Variants in KRABD4 observed in about 807,000 individuals in gnomAD.
KRABD4 encodes KRAB domain-containing protein 4.
chrX:46,462,774 T>C, the KRABD4 span: 1 of 1,209,680 alleles, frequency 8.3e-7, no homozygotes, highest in African/African-American at 1.8e-5. Flanking sequence ...AGGACGTGTT[T>C]GTGGACTTCA....
chrX:46,457,124 T>G, the KRABD4 span: 1 of 376,198 alleles, frequency 2.7e-6, no homozygotes, highest in South Asian at 4.7e-5. Flanking sequence ...TCAAAGTCTG[T>G]GTGTCCCGGA....
At chrX:46,465,729 C>T in the KRABD4 span, among the ~76,000 whole-genome samples, 1,063 of 111,469 alleles carry the variant, frequency 9.5e-3, 14 homozygotes, top group African/African-American at 0.033. Context: ...TGGGGTAGGC[C>T]TGGTTATGTG....
At chrX:46,456,435 C>G in the KRABD4 span, 1 of 130,023 alleles carries the variant, frequency 7.7e-6, no homozygotes, top group Non-Finnish European at 1.6e-5. Flanking sequence ...TATAAATCCT[C>G]TGGAAATCAC....
At chrX:46,465,252 CT>C in the KRABD4 span, among the ~76,000 whole-genome samples, 1 of 113,046 alleles carries the variant, frequency 8.8e-6, no homozygotes, top group Non-Finnish European at 1.9e-5. Context: ...GAGCCTACAT[CT>C]TGTTCTGACT....
chrX:46,454,570 G>A, the KRABD4 span, among the ~76,000 whole-genome samples: 295 of 111,446 alleles, frequency 2.6e-3, no homozygotes, highest in Middle Eastern at 9.3e-3. Context: ...TTGGGAGGCC[G>A]AGGCAGGCGG....
chrX:46,472,506 T>C, the KRABD4 span: 2 of 342,501 alleles, frequency 5.8e-6, no homozygotes, highest in African/African-American at 5.3e-5. Context: ...TGTCACATAA[T>C]AAATTTATTT....
the KRABD4 span, chrX:46,450,411 T>G: frequency 9.0e-7 from 1 of 1,112,059 alleles, no homozygotes; most frequent in Non-Finnish European, 1.2e-6. Context: ...GAATGTACTC[T>G]CCTAATTTTG....
chrX:46,473,466 A>AT, the KRABD4 span: 1 of 1,004,433 alleles, frequency 1.0e-6, no homozygotes, highest in Non-Finnish European at 1.4e-6. Flanking sequence ...GTCAACTCTC[A>AT]TTAAACATCA....
At chrX:46,464,919 A>G in the KRABD4 span, among the ~76,000 whole-genome samples, 1 of 55,167 alleles carries the variant, frequency 1.8e-5, no homozygotes, top group African/African-American at 8.2e-5. Context: ...TCCCAATCAC[A>G]CCTCCCAAGG....
the KRABD4 span, among the ~76,000 whole-genome samples, chrX:46,447,665 C>A: frequency 9.0e-6 from 1 of 111,670 alleles, no homozygotes; most frequent in Non-Finnish European, 1.9e-5. Context: ...TGCCAGGCAA[C>A]CTTGCAAATG....
At chrX:46,448,671 T>C in the KRABD4 span, 1 of 113,279 alleles carries the variant, frequency 8.8e-6, no homozygotes, top group Non-Finnish European at 1.9e-5. Context: ...GATGGAGGCA[T>C]GGATGTCCCC....
At chrX:46,466,408 G>A in the KRABD4 span, among the ~76,000 whole-genome samples, 1 of 111,283 alleles carries the variant, frequency 9.0e-6, no homozygotes, top group African/African-American at 3.3e-5. Context: ...ACTATAAAAG[G>A]CCTACCCCAG....
At chrX:46,455,006 T>TA in the KRABD4 span, 5 of 323,380 alleles carry the variant, frequency 1.5e-5, no homozygotes, top group Admixed American at 1.0e-4. Flanking sequence ...TACTCAGTCT[T>TA]ACTTACTTCA....
chrX:46,459,908 A>G, the KRABD4 span, among the ~76,000 whole-genome samples: 1 of 111,760 alleles, frequency 8.9e-6, no homozygotes, highest in Admixed American at 9.5e-5. Context: ...TGTGAAGTCA[A>G]TTCCATTCTG....
the KRABD4 span, among the ~76,000 whole-genome samples, chrX:46,454,630 C>T: frequency 0.028 from 3,129 of 109,910 alleles, 106 homozygotes; most frequent in African/African-American, 0.096. Context: ...GGTGAAACCC[C>T]GTCTCTACTA....
chrX:46,458,375 A>G, the KRABD4 span, among the ~76,000 whole-genome samples: 1 of 112,300 alleles, frequency 8.9e-6, no homozygotes, highest in Non-Finnish European at 1.9e-5. Context: ...CAACATTTAC[A>G]ATGCAAATAC....
the KRABD4 span, among the ~76,000 whole-genome samples, chrX:46,461,495 C>G: frequency 8.9e-6 from 1 of 111,764 alleles, no homozygotes; most frequent in Admixed American, 9.4e-5. Context: ...TTTCCTGCCC[C>G]TCTCCTGCAC....
At chrX:46,462,618 T>G in the KRABD4 span, 1 of 1,124,495 alleles carries the variant, frequency 8.9e-7, no homozygotes, top group African/African-American at 1.8e-5. Context: ...TTAGGCTCTG[T>G]GCACCTCACG....
the KRABD4 span, chrX:46,456,531 T>G: frequency 1.1e-3 from 241 of 212,571 alleles, no homozygotes; most frequent in Non-Finnish European, 1.8e-3. Context: ...CAAGTGAACA[T>G]TGTATTTTTT....
Sources: gnomAD v4.1 joint callset for allele counts (sites outside exome capture counted in the v4.1 genomes callset) on GRCh38, gnomAD v4.1.1 for gene constraint, MANE v1.5 for transcripts, NCBI Gene and HGNC (gene_info 2026-07-23, HGNC 2026-07-21) for gene names.